PARP16: variants seen among roughly 807,000 people sequenced by gnomAD.
The protein encoded by PARP16 is poly(ADP-ribose) polymerase family member 16.
In PARP16, 31 loss-of-function variants were observed where a neutral mutation model predicts 35.0. The ratio of observed to expected loss-of-function variants is 0.88; its 90% CI spans 0.66 to 1.19. PARP16 has a LOEUF of 1.19. Among genes scored for constraint, PARP16 ranks in the 50% most tolerant of loss-of-function variants. The pLI, the probability that PARP16 is intolerant of heterozygous loss-of-function variation, is 0.00. For missense variants in PARP16, 424 were observed against 411.2 expected, an observed-to-expected ratio of 1.03 and a Z score of -0.27; for synonymous variants, 162 against 169.5, an observed-to-expected ratio of 0.96 and a Z score of 0.34.
At chr15:65,249,140 C>T (rs1360305578) in intron 2 of PARP16, among the ~76,000 whole-genome samples, 1 of 152,230 alleles carries the variant, frequency 6.6e-6, no homozygotes, top group Non-Finnish European at 1.5e-5. Context: ...TTGCTCAGAG[C>T]CCCTAGCGTC....
At position 65,260,934 on chromosome 15, in the gene PARP16, G is replaced by C; in HGVS notation, c.784C>G (p.Leu262Val). The C allele has an allele frequency of 2.5e-6, 4 of 1,614,016 alleles. No individual in the cohort carries two copies. The highest frequency in any genetic ancestry group is 3.4e-6 in the Non-Finnish European group (4 of 1,179,912). The change falls in exon 5 of 6, where the codon CTG becomes GTG. Residue 262 changes from leucine to valine, a missense_variant. Leu to Val is a conservative substitution (Grantham distance 32). Transcript: ENST00000649807. ...PKYFVVTNNQ[L>V]LRVKYLLVYS... ...ACCAGGAGGTACTTCACTCGCAGCAGCTGGTTATTGGTGACCACGAAGTAC... is the reference window on the plus strand; with the variant it reads ...ACCAGGAGGTACTTCACTCGCAGCACCTGGTTATTGGTGACCACGAAGTAC...
chr15:65,249,998 C>T (rs1029971587), intron 2 of PARP16, among the ~76,000 whole-genome samples: 9 of 151,792 alleles, frequency 5.9e-5, no homozygotes, highest in Non-Finnish European at 1.3e-4. Context: ...AAAGGGAACT[C>T]GTTTTCTATT....
intron 2 of PARP16, among the ~76,000 whole-genome samples, chr15:65,268,407 C>A (rs926765988): frequency 9.9e-5 from 15 of 152,226 alleles, no homozygotes; most frequent in African/African-American, 3.6e-4. Flanking sequence ...CCAGAACCAC[C>A]CAACCAACCC....
At chr15:65,253,475 C>T (rs1367288942), downstream of PARP16, among the ~76,000 whole-genome samples, 5 of 150,878 alleles carry the variant, frequency 3.3e-5, no homozygotes, top group African/African-American at 9.7e-5. Flanking sequence ...GGACTACAGG[C>T]GCCCGCCACT....
chr15:65,279,526 T>C (rs1332887841), intron 1 of PARP16, among the ~76,000 whole-genome samples: 2 of 152,180 alleles, frequency 1.3e-5, no homozygotes, highest in Non-Finnish European at 2.9e-5. Flanking sequence ...CATAATATTA[T>C]ATGTATCTAT....
At chr15:65,238,641 TC>T (rs1326517209) in intron 3 of PARP16, among the ~76,000 whole-genome samples, 1 of 152,184 alleles carries the variant, frequency 6.6e-6, no homozygotes, top group Non-Finnish European at 1.5e-5. Context: ...GCCTGATGAC[TC>T]CCATGTCGAC....
Position 65,237,657 on chromosome 15 carries a change from C to T in PARP16, c.*98-2834G>A, listed in dbSNP as rs537159717. On this transcript the variant is annotated intron_variant and NMD_transcript_variant, in intron 3 of 3. Transcript: ENST00000559805. Reference sequence around the variant, plus strand: ...CAGAGCTGGAAGAGTCAAAGAACAACATCTCCCCTAGAGCCTCCAGAGGGA... The same window carrying T: ...CAGAGCTGGAAGAGTCAAAGAACAATATCTCCCCTAGAGCCTCCAGAGGGA... Among the ~76,000 whole-genome samples, 5 of 152,286 alleles carry T rather than the reference C, an allele frequency of 3.3e-5. No homozygotes were observed. The South Asian group carries it at 1.0e-3, about 32-fold the overall frequency.
chr15:65,270,714 G>A (rs997012345), intron 2 of PARP16, among the ~76,000 whole-genome samples: 1 of 152,178 alleles, frequency 6.6e-6, no homozygotes, highest in Non-Finnish European at 1.5e-5. Context: ...AGGTCACACA[G>A]CTGAGATGAG....
At chr15:65,284,431 C>T (rs1275813504) in intron 1 of PARP16, among the ~76,000 whole-genome samples, 2 of 146,630 alleles carry the variant, frequency 1.4e-5, no homozygotes, top group Non-Finnish European at 3.0e-5. Flanking sequence ...CTACCTCTGC[C>T]TCCCAGGTCC....
chr15:65,282,268 C>T (rs2090442761), intron 1 of PARP16, among the ~76,000 whole-genome samples: 1 of 152,202 alleles, frequency 6.6e-6, no homozygotes, highest in Non-Finnish European at 1.5e-5. Context: ...CCCAGCCTCC[C>T]AGAGGGCTGG....
At chr15:65,248,238 G>A (rs1352054195) in intron 2 of PARP16, 2 of 456,150 alleles carry the variant, frequency 4.4e-6, no homozygotes, top group Non-Finnish European at 8.8e-6. Context: ...CCTAGTGTGG[G>A]GACAATCACA....
downstream of PARP16, among the ~76,000 whole-genome samples, chr15:65,257,837 C>T (rs1322431808): frequency 6.6e-6 from 1 of 152,152 alleles, no homozygotes; most frequent in Non-Finnish European, 1.5e-5. Flanking sequence ...GCCCACCTTG[C>T]AGGCTGTCAG....
At chr15:65,238,432 G>A (rs971459885) in intron 3 of PARP16, among the ~76,000 whole-genome samples, 1 of 152,180 alleles carries the variant, frequency 6.6e-6, no homozygotes, top group Non-Finnish European at 1.5e-5. Context: ...GGCCCAGGCT[G>A]CCCCAGTCAC....
intron 3 of PARP16, among the ~76,000 whole-genome samples, 165 bp downstream of exon 3, chr15:65,266,397 G>A: frequency 6.6e-6 from 1 of 152,106 alleles, no homozygotes; most frequent in Non-Finnish European, 1.5e-5. Flanking sequence ...AGGTCTCCAG[G>A]TGATGCTGCC....
intron 3 of PARP16, among the ~76,000 whole-genome samples, chr15:65,236,942 A>G (rs1228376206): frequency 6.7e-6 from 1 of 149,778 alleles, no homozygotes; most frequent in African/African-American, 2.5e-5. Context: ...ACTGCACTCT[A>G]GCCTGGGCGA....
intron 2 of PARP16, among the ~76,000 whole-genome samples, chr15:65,270,205 C>G (rs907478780): frequency 6.6e-6 from 1 of 152,132 alleles, no homozygotes. Flanking sequence ...AGTCCTACAC[C>G]CTGGTCCTTG....
intron 5 of PARP16, 97 bp downstream of exon 5, chr15:65,260,788 C>G: frequency 9.6e-7 from 1 of 1,045,524 alleles, no homozygotes; most frequent in South Asian, 1.4e-5. Flanking sequence ...TGACATCTAG[C>G]GGAGGTCTAA....
chr15:65,275,595 G>A (rs1426339541), intron 1 of PARP16, among the ~76,000 whole-genome samples: 1 of 152,186 alleles, frequency 6.6e-6, no homozygotes, highest in Non-Finnish European at 1.5e-5. Flanking sequence ...CTGGAACCTA[G>A]AGTGTGGGGA....
At chr15:65,247,884 A>C (rs1218769355) in intron 3 of PARP16, among the ~76,000 whole-genome samples, 1 of 142,502 alleles carries the variant, frequency 7.0e-6, no homozygotes, top group Non-Finnish European at 1.5e-5. Flanking sequence ...GGCTCACTGC[A>C]ACCTCCACTT....
Sources: gnomAD v4.1 joint callset for allele counts (sites outside exome capture counted in the v4.1 genomes callset) on GRCh38, gnomAD v4.1.1 for gene constraint, MANE v1.5 for transcripts, NCBI Gene and HGNC (gene_info 2026-07-23, HGNC 2026-07-21) for gene names.